ZDHHC14: variants seen among roughly 807,000 people sequenced by gnomAD.
ZDHHC14 encodes palmitoyltransferase ZDHHC14.
Under a neutral mutation model 47.7 loss-of-function variants are expected in ZDHHC14, and 16 were observed. The ratio of observed to expected loss-of-function variants is 0.34; its 90% confidence interval spans 0.23 to 0.51. The LOEUF is 0.51. Among genes scored for constraint, ZDHHC14 ranks in the 20% least tolerant of loss-of-function variants. The pLI, the probability that ZDHHC14 is intolerant of heterozygous loss-of-function variation, is 0.97. For missense variants in ZDHHC14, 515 were observed against 662.5 expected, an observed-to-expected ratio of 0.78 and a Z score of 2.44; for synonymous variants, 293 against 278.9, an observed-to-expected ratio of 1.05 and a Z score of -0.50.
At chr6:157,399,181 G>A (rs766362006) in intron 1 of ZDHHC14, among the ~76,000 whole-genome samples, 5 of 138,436 alleles carry the variant, frequency 3.6e-5, no homozygotes, top group South Asian at 2.5e-4. Flanking sequence ...CTTTTTTTCC[G>A]TATCTTCATA....
chr6:157,472,229 G>A (rs966166132), intron 1 of ZDHHC14, among the ~76,000 whole-genome samples: 2 of 152,134 alleles, frequency 1.3e-5, no homozygotes, highest in Non-Finnish European at 2.9e-5. Context: ...CCAGCTACAG[G>A]GTAAAAACGG....
chr6:157,383,642 T>A (rs1187302844), intron 1 of ZDHHC14, among the ~76,000 whole-genome samples: 2 of 152,202 alleles, frequency 1.3e-5, no homozygotes, highest in Non-Finnish European at 2.9e-5. Flanking sequence ...ATGAGAAGGA[T>A]CTCTGATTTA....
At chr6:157,590,104 G>T (rs1783851623) in intron 2 of ZDHHC14, among the ~76,000 whole-genome samples, 1 of 152,206 alleles carries the variant, frequency 6.6e-6, no homozygotes, top group East Asian at 1.9e-4. Flanking sequence ...ACTGGTGGAA[G>T]AAATTTCTAA....
At chr6:157,405,271 C>T (rs367655359) in intron 1 of ZDHHC14, among the ~76,000 whole-genome samples, 27 of 152,150 alleles carry the variant, frequency 1.8e-4, no homozygotes, top group Admixed American at 1.4e-3. Context: ...CTCGCTGTCT[C>T]GCCCAGGCTG....
intron 1 of ZDHHC14, among the ~76,000 whole-genome samples, chr6:157,402,516 C>T (rs1777665586): frequency 3.9e-5 from 6 of 152,230 alleles, no homozygotes; most frequent in Admixed American, 3.9e-4. Context: ...TCTGGGGCTT[C>T]CTCCACTTCA....
At chr6:157,646,166 G>C in intron 6 of ZDHHC14, 1 of 217,510 alleles carries the variant, frequency 4.6e-6, no homozygotes, top group South Asian at 1.0e-4. Flanking sequence ...TCCCCTGGTA[G>C]AGACCATGGC....
intron 2 of ZDHHC14, among the ~76,000 whole-genome samples, chr6:157,573,553 C>G (rs1175336379): frequency 6.6e-6 from 1 of 152,158 alleles, no homozygotes. Context: ...TGGGGTAGGC[C>G]CCCTGCTGCC....
chr6:157,536,092 A>G (rs934087848), intron 1 of ZDHHC14, among the ~76,000 whole-genome samples: 1 of 152,194 alleles, frequency 6.6e-6, no homozygotes, highest in Non-Finnish European at 1.5e-5. Flanking sequence ...TGTTTGCCTT[A>G]GCTACTTATT....
intron 3 of ZDHHC14, among the ~76,000 whole-genome samples, chr6:157,601,957 A>C (rs1784351628): frequency 6.6e-6 from 1 of 152,172 alleles, no homozygotes; most frequent in Non-Finnish European, 1.5e-5. Flanking sequence ...TAATCCCAGC[A>C]CTTTGGGAGG....
Position 157,450,998 on chromosome 6 carries a change from T to TTGTGTGTGTGTGTGTG in ZDHHC14, c.245+68750_245+68765dup, listed in dbSNP as rs34066002. Among the ~76,000 whole-genome samples, 564 of 147,622 alleles carry TTGTGTGTGTGTGTGTG rather than the reference T, an allele frequency of 3.8e-3. 5 individuals carry two copies. Among genetic ancestry groups the TTGTGTGTGTGTGTGTG allele is most frequent in the Non-Finnish European group, 5.5e-3 (369 of 66,842 alleles). ...AAATTTTGATGTCAAAAGTCTGGTC[T>TTGTGTGTGTGTGTGTG]TGTGTGTGTGTGTGTGTGTGTGTGT... On this transcript the variant is annotated intron_variant, in intron 1 of 8. Transcript: ENST00000359775.
At chr6:157,619,568 C>T (rs1785103720) in intron 3 of ZDHHC14, among the ~76,000 whole-genome samples, 2 of 152,184 alleles carry the variant, frequency 1.3e-5, no homozygotes, top group South Asian at 2.1e-4. Flanking sequence ...GGGCAGGAGC[C>T]AGTGAGACCT....
chr6:157,533,535 GC>G (rs1781438955), intron 1 of ZDHHC14, among the ~76,000 whole-genome samples: 1 of 152,232 alleles, frequency 6.6e-6, no homozygotes, highest in Admixed American at 6.5e-5. Flanking sequence ...ACAGGCAAAA[GC>G]CCAGAGGAGA....
At chr6:157,450,121 G>A (rs1470670556) in intron 1 of ZDHHC14, among the ~76,000 whole-genome samples, 2 of 151,842 alleles carry the variant, frequency 1.3e-5, no homozygotes, top group Non-Finnish European at 2.9e-5. Flanking sequence ...TGTCTAATCA[G>A]AGGACTTCTG....
At chr6:157,492,610 T>C (rs1315578126) in intron 1 of ZDHHC14, among the ~76,000 whole-genome samples, 1 of 152,212 alleles carries the variant, frequency 6.6e-6, no homozygotes, top group Non-Finnish European at 1.5e-5. Flanking sequence ...CTGAGTGTCT[T>C]GTGCGGAAGG....
intron 1 of ZDHHC14, among the ~76,000 whole-genome samples, chr6:157,438,140 C>CA (rs373061735): frequency 0.14 from 20,988 of 151,212 alleles, 1,901 homozygotes; most frequent in Middle Eastern, 0.24. Flanking sequence ...TCTAAATCTT[C>CA]AAAAAAAATG....
rs573053027 is a variant in ZDHHC14 at position 157,653,447 on chromosome 6, G to T, written c.966-78G>T. ...TGTCACGGGAAGAGGGAGCCCCGAC[G>T]CGGAACCTGAGATAGTGCTGCTGCA... On this transcript the variant is annotated intron_variant, in intron 7 of 8. Coordinates refer to ENST00000359775, the MANE Select transcript of ZDHHC14 (RefSeq NM_024630.3). 2.7e-6 allele frequency: 4 copies of T among 1,502,712 alleles called. No homozygotes were observed. The South Asian group carries it at 3.5e-5, about 13-fold the overall frequency. 93.1% of individuals were successfully genotyped at this position (1,502,712 alleles called of 1,614,324 possible). A position where few individuals can be genotyped will look rare whatever the true frequency, so the allele number is the denominator to read the frequency against.
chr6:157,440,288 C>T (rs1213788300), intron 1 of ZDHHC14, among the ~76,000 whole-genome samples: 2 of 151,880 alleles, frequency 1.3e-5, no homozygotes, highest in African/African-American at 4.8e-5. Flanking sequence ...AACCAGCAAG[C>T]CAAAAGACAC....
chr6:157,478,006 T>C (rs900661665), intron 1 of ZDHHC14, among the ~76,000 whole-genome samples: 9 of 152,244 alleles, frequency 5.9e-5, no homozygotes, highest in African/African-American at 2.2e-4. Context: ...TAGTAGACTT[T>C]AATTAAATAC....
intron 1 of ZDHHC14, among the ~76,000 whole-genome samples, chr6:157,506,769 T>C (rs1780335078): frequency 6.7e-6 from 1 of 149,514 alleles, no homozygotes; most frequent in Non-Finnish European, 1.5e-5. Context: ...CTATTGTCTA[T>C]ATCTAAAGGA....
Sources: gnomAD v4.1 joint callset for allele counts (sites outside exome capture counted in the v4.1 genomes callset) on GRCh38, gnomAD v4.1.1 for gene constraint, MANE v1.5 for transcripts, NCBI Gene and HGNC (gene_info 2026-07-23, HGNC 2026-07-21) for gene names.